Variants in SLC26A7 observed in about 807,000 individuals in gnomAD.
The protein encoded by SLC26A7 is anion exchange transporter.
Under a neutral mutation model 82.5 loss-of-function variants are expected in SLC26A7, and 59 were observed. The ratio of observed to expected loss-of-function variants is 0.72; its 90% confidence interval spans 0.58 to 0.89. The LOEUF (loss-of-function observed/expected upper bound fraction) is 0.89, where lower values mean the gene tolerates loss of function less well. SLC26A7 is among the 40% of genes least tolerant of loss of function. The pLI is 0.00. For synonymous variants in SLC26A7, 271 were observed against 274.3 expected (o/e 0.99, Z 0.12); for missense variants, 820 against 793.0 (o/e 1.03, Z -0.41).
intron 15 of SLC26A7, among the ~76,000 whole-genome samples, chr8:91,386,765 C>T (rs920763370): frequency 7.2e-5 from 11 of 152,122 alleles, no homozygotes; most frequent in African/African-American, 2.4e-4. Flanking sequence ...TGATTTTAAG[C>T]TACCAACATG....
At chr8:91,224,171 C>G (rs1327674763) in intron 2 of SLC26A7, among the ~76,000 whole-genome samples, 1 of 151,996 alleles carries the variant, frequency 6.6e-6, no homozygotes, top group Non-Finnish European at 1.5e-5. Context: ...CTTCTGAAGT[C>G]TACTTCTGTC....
chr8:91,281,895 TG>T (rs1188964064), intron 2 of SLC26A7, among the ~76,000 whole-genome samples: 1 of 152,226 alleles, frequency 6.6e-6, no homozygotes, highest in Admixed American at 6.5e-5. Flanking sequence ...TGTTTATTGA[TG>T]TTTTACATTG....
In SLC26A7 at chr8:91,395,100, C is replaced by A. The variant is rs766915975; in HGVS notation, c.*3C>A. 4.3e-6 allele frequency: 7 copies of A among 1,613,392 alleles called. No individual in the cohort carries two copies. The highest frequency in any genetic ancestry group is 1.7e-5 in the Admixed American group (1 of 60,002). On this transcript the variant is annotated 3_prime_UTR_variant, in exon 19 of 19. Coordinates refer to ENST00000276609, the MANE Select transcript of SLC26A7 (RefSeq NM_052832.4). ...TCAGTGACCACAGTGAAGTCTGAGACCCTTTTGTCACAGTACAGCTCTTGT... is the reference window on the plus strand; with the variant it reads ...TCAGTGACCACAGTGAAGTCTGAGAACCTTTTGTCACAGTACAGCTCTTGT...
At chr8:91,364,730 C>A (rs1228327057) in intron 13 of SLC26A7, among the ~76,000 whole-genome samples, 2 of 152,062 alleles carry the variant, frequency 1.3e-5, no homozygotes, top group Non-Finnish European at 2.9e-5. Context: ...CTATCTAATC[C>A]TTAACTTCTT....
chr8:91,394,420 A>G, intron 18 of SLC26A7: 1 of 1,438,642 alleles, frequency 7.0e-7, no homozygotes, highest in Non-Finnish European at 9.1e-7. Flanking sequence ...CTGCTCTGAT[A>G]TCTTGCCTCT....
At chr8:91,285,238 TGTG>T (rs931186383) in intron 2 of SLC26A7, among the ~76,000 whole-genome samples, 1 of 152,224 alleles carries the variant, frequency 6.6e-6, no homozygotes, top group Non-Finnish European at 1.5e-5. Context: ...TTCCTTGTCA[TGTG>T]GTGTTCACAT....
intron 5 of SLC26A7, among the ~76,000 whole-genome samples, chr8:91,325,270 A>C (rs1812901164): frequency 6.6e-6 from 1 of 152,148 alleles, no homozygotes; most frequent in Non-Finnish European, 1.5e-5. Context: ...CACTGTGTAT[A>C]AGATGGCCAG....
In SLC26A7 at chr8:91,308,732, A is replaced by G. The variant is rs938030066; in HGVS notation, c.478-9484A>G. On this transcript the variant is annotated intron_variant, in intron 4 of 18. Coordinates refer to ENST00000276609, the MANE Select transcript of SLC26A7 (RefSeq NM_052832.4). ...TATTTAGTCAATCATTTATATTAGT[A>G]TGGACTCTAGGATATTTGTTCTATT... 1.1e-4 allele frequency among the ~76,000 whole-genome samples: 16 copies of G among 152,234 alleles called. 2 individuals are homozygous for G. The highest frequency in any genetic ancestry group is 5.8e-4 in the East Asian group (3 of 5,182).
intron 9 of SLC26A7, among the ~76,000 whole-genome samples, chr8:91,349,947 G>A (rs554338619): frequency 8.9e-4 from 136 of 152,216 alleles, no homozygotes; most frequent in African/African-American, 3.2e-3. Flanking sequence ...AGAATGTCAG[G>A]CATCATATTT....
At chr8:91,338,653 G>A (rs181506475) in intron 7 of SLC26A7, among the ~76,000 whole-genome samples, 4 of 152,080 alleles carry the variant, frequency 2.6e-5, no homozygotes, top group Non-Finnish European at 5.9e-5. Context: ...CTAGGCCTGG[G>A]TAGTATATAA....
At chr8:91,242,291 A>G (rs1437802876) in intron 2 of SLC26A7, among the ~76,000 whole-genome samples, 1 of 152,148 alleles carries the variant, frequency 6.6e-6, no homozygotes, top group African/African-American at 2.4e-5. Context: ...ATCTTTTTGG[A>G]CAGCATGAAA....
At chr8:91,233,188 A>G (rs1810332558) in intron 2 of SLC26A7, among the ~76,000 whole-genome samples, 1 of 152,228 alleles carries the variant, frequency 6.6e-6, no homozygotes, top group African/African-American at 2.4e-5. Flanking sequence ...GGCTTGCAAT[A>G]ATGCAAAACA....
At chr8:91,329,208 A>G (rs1813011795) in intron 5 of SLC26A7, among the ~76,000 whole-genome samples, 1 of 151,628 alleles carries the variant, frequency 6.6e-6, no homozygotes, top group Non-Finnish European at 1.5e-5. Flanking sequence ...GATGCCTGGA[A>G]CTCTATTAAA....
chr8:91,219,606 A>T (rs1160963006), intron 2 of SLC26A7, among the ~76,000 whole-genome samples: 2 of 152,200 alleles, frequency 1.3e-5, no homozygotes, highest in Non-Finnish European at 2.9e-5. Flanking sequence ...TTCTTTAAGG[A>T]CAACAGAAAA....
chr8:91,219,545 T>C (rs1157284215), intron 2 of SLC26A7, among the ~76,000 whole-genome samples: 3 of 152,180 alleles, frequency 2.0e-5, no homozygotes, highest in Non-Finnish European at 2.9e-5. Flanking sequence ...AAAAACTTTT[T>C]ACACGACAAA....
At chr8:91,330,459 G>C (rs1375817297) in intron 5 of SLC26A7, among the ~76,000 whole-genome samples, 13 of 152,018 alleles carry the variant, frequency 8.6e-5, no homozygotes, top group Non-Finnish European at 1.8e-4. Context: ...ATAATGTTTT[G>C]ACTCAATATT....
chr8:91,392,935 C>T (rs1339158145), intron 16 of SLC26A7, among the ~76,000 whole-genome samples: 1 of 152,164 alleles, frequency 6.6e-6, no homozygotes, highest in Non-Finnish European at 1.5e-5. Context: ...ATGCTTTTTG[C>T]TGTTTTCTCA....
chr8:91,243,944 T>C (rs544624698), intron 2 of SLC26A7, among the ~76,000 whole-genome samples: 2 of 152,254 alleles, frequency 1.3e-5, no homozygotes, highest in Non-Finnish European at 2.9e-5. Flanking sequence ...TGAAAATATA[T>C]CATATTATGA....
intron 2 of SLC26A7, among the ~76,000 whole-genome samples, chr8:91,275,893 T>C (rs1253608586): frequency 1.3e-5 from 2 of 152,272 alleles, no homozygotes; most frequent in East Asian, 3.9e-4. Context: ...TGTGTGCCTT[T>C]TCCCTTGCTT....
Sources: gnomAD v4.1 joint callset for allele counts (sites outside exome capture counted in the v4.1 genomes callset) on GRCh38, gnomAD v4.1.1 for gene constraint, MANE v1.5 for transcripts, NCBI Gene and HGNC (gene_info 2026-07-23, HGNC 2026-07-21) for gene names.